Variants in NUDT1 observed in about 807,000 individuals in gnomAD.
NUDT1 encodes the protein oxidized purine nucleoside triphosphate hydrolase.
Under a neutral mutation model 11.3 loss-of-function variants are expected in NUDT1, and 16 were observed. That is an observed-to-expected ratio of 1.41 (90% confidence interval 0.96 to 2.15). The LOEUF (loss-of-function observed/expected upper bound fraction) is 2.15. NUDT1 is among the 30% of genes most tolerant of loss of function. NUDT1 has a pLI of 0.00. For missense variants in NUDT1, 234 were observed against 208.4 expected (o/e 1.12, Z -0.76); for synonymous variants, 101 against 84.4 (o/e 1.20, Z -1.08).
At position 2,249,856 on chromosome 7, in the gene NUDT1, G is replaced by C. The variant is rs1794908884; in HGVS notation, c.153-1G>C. 7 of 1,613,256 alleles carry C rather than the reference G, an allele frequency of 4.3e-6. No individual in the cohort carries two copies. The highest frequency in any genetic ancestry group is 5.9e-6 in the Non-Finnish European group (7 of 1,180,026). On this transcript the variant is annotated splice_acceptor_variant, in intron 2 of 3. Transcript: ENST00000356714. LOFTEE classifies it high-confidence loss of function. ...CCTCCCCTGCCCACCTCTGCCCGCA[G>C]GGAGCTGCAGGAGGAGAGCGGTCTG...
intron 2 of NUDT1, among the ~76,000 whole-genome samples, chr7:2,247,057 G>A (rs1026582006): frequency 2.6e-5 from 4 of 152,150 alleles, no homozygotes; most frequent in African/African-American, 9.7e-5. Flanking sequence ...AAACAGCCTC[G>A]CCCTCAGGGG....
chr7:2,248,547 CTTTT>C (rs11393832), intron 2 of NUDT1, among the ~76,000 whole-genome samples: 6 of 122,598 alleles, frequency 4.9e-5, no homozygotes, highest in Admixed American at 8.3e-5. Flanking sequence ...ATGATGTTTG[CTTTT>C]TTTTTTTTTT....
rs746490760 is a variant in NUDT1 at position 2,250,994 on chromosome 7, C to T, written c.464C>T (p.Thr155Met). The change falls in exon 4 of 4, where the codon ACG becomes ATG. Residue 155 changes from threonine (T) to methionine (M), a missense_variant. Physicochemically the swap from Thr to Met is moderately conservative, Grantham distance 81 (BLOSUM62 -1). Coordinates refer to ENST00000356714, the MANE Select transcript of NUDT1 (RefSeq NM_002452.4). Reference sequence around the variant, plus strand: ...GACTACACACTCCGCGAGGTGGACACGGTCTAGCGGGAGCCCAGGGCAGCC... The same window carrying T: ...GACTACACACTCCGCGAGGTGGACATGGTCTAGCGGGAGCCCAGGGCAGCC... ...ILDYTLREVD[T>M]V The T allele has an allele frequency of 7.4e-6, 12 of 1,613,694 alleles. 1 individual carries two copies. Among genetic ancestry groups the T allele is most frequent in the African/African-American group, 2.7e-5 (2 of 74,908 alleles).
rs750814893 is a variant in NUDT1, at chr7:2,249,945, A to G, written c.241A>G (p.Met81Val). 1.9e-6 allele frequency: 3 copies of G among 1,614,202 alleles called. No homozygotes were observed. Among genetic ancestry groups the G allele is most frequent in the African/African-American group, 1.3e-5 (1 of 75,070 alleles). ...TGAGTTCGTGGGCGAGCCTGAGCTC[A>G]TGGACGTGCATGTCTTCTGCACAGA... ...VFEFVGEPEL[M>V]DVHVFCTDSI... Residue 81 changes from methionine (M) to valine (V), a missense_variant, in exon 3 of 4, where the codon ATG (methionine) becomes GTG (valine). Met to Val is a conservative substitution (Grantham distance 21). Transcript: ENST00000356714.
intron 1 of NUDT1, among the ~76,000 whole-genome samples, chr7:2,243,887 A>G (rs1226703819): frequency 6.7e-6 from 1 of 149,912 alleles, no homozygotes; most frequent in Non-Finnish European, 1.5e-5. Flanking sequence ...GGACCTGCAC[A>G]CCTATGGGAG....
At chr7:2,242,398 C>T (rs1794581948) in intron 1 of NUDT1, 142 bp downstream of exon 1, 1 of 504,582 alleles carries the variant, frequency 2.0e-6, no homozygotes, top group Non-Finnish European at 3.5e-6. Flanking sequence ...ACCAGAAGAG[C>T]AGGGTCGGGG....
intron 2 of NUDT1, among the ~76,000 whole-genome samples, chr7:2,247,502 A>C (rs556743920): frequency 4.6e-5 from 7 of 152,216 alleles, no homozygotes; most frequent in African/African-American, 1.2e-4. Context: ...GTCCCCAAAG[A>C]CTAGCGAGGC....
chr7:2,247,513 C>T (rs958332132), intron 2 of NUDT1, among the ~76,000 whole-genome samples: 1 of 152,140 alleles, frequency 6.6e-6, no homozygotes, highest in African/African-American at 2.4e-5. Flanking sequence ...CTAGCGAGGC[C>T]GGGGACACAG....
rs1794695134 is a variant in NUDT1 at position 2,244,632 on chromosome 7, C to T, written c.58C>T (p.Leu20=). 1 of 1,613,744 alleles carries T rather than the reference C, an allele frequency of 6.2e-7. No homozygotes were observed. Among genetic ancestry groups the T allele is most frequent in the Non-Finnish European group, 8.5e-7 (1 of 1,179,892 alleles). Residue 20 remains leucine (L), a synonymous_variant, in exon 2 of 4, where the codon CTG becomes TTG. Transcript: ENST00000356714. ...GGTCCTGCAGCCTCAGCGAGTTCTCCTGGGCATGAAAAAGCGAGGCTTCGG... is the reference window on the plus strand; with the variant it reads ...GGTCCTGCAGCCTCAGCGAGTTCTCTTGGGCATGAAAAAGCGAGGCTTCGG... ...VLVLQPQRVL[L]GMKKRGFGAG... is the part of the protein sequence containing the mutation.
chr7:2,247,324 T>A (rs991256346), intron 2 of NUDT1, among the ~76,000 whole-genome samples: 1 of 152,240 alleles, frequency 6.6e-6, no homozygotes, highest in Non-Finnish European at 1.5e-5. Flanking sequence ...CCTCCCCGCT[T>A]GCCTGCAGGG....
At chr7:2,244,786 T>C (rs983606869) in intron 2 of NUDT1, 60 bp downstream of exon 2, 3 of 1,560,366 alleles carry the variant, frequency 1.9e-6, no homozygotes, top group Non-Finnish European at 2.6e-6. Flanking sequence ...GGATTCGGGC[T>C]GTAGGGCCAC....
At chr7:2,245,228 C>T (rs534518863) in intron 2 of NUDT1, among the ~76,000 whole-genome samples, 6 of 152,172 alleles carry the variant, frequency 3.9e-5, no homozygotes, top group East Asian at 1.9e-4. Context: ...GAGGTTGAGC[C>T]GTTTACCCAA....
chr7:2,244,527 G>A lies in NUDT1; in HGVS notation c.-12-36G>A, dbSNP rs199636210. ...CCTGGCACGTGCTTCCTCCACGCACGTCATGGCTGACTCTGCCCTCTCACC... is the reference window on the plus strand; with the variant it reads ...CCTGGCACGTGCTTCCTCCACGCACATCATGGCTGACTCTGCCCTCTCACC... On this transcript the variant is annotated intron_variant, in intron 1 of 3. Transcript: ENST00000356714. 2.8e-4 allele frequency: 383 copies of A among 1,356,814 alleles called. 4 individuals carry two copies. The South Asian group carries it at 4.6e-3, about 16-fold the overall frequency. 84.0% of individuals were successfully genotyped at this position (1,356,814 alleles called of 1,614,324 possible). A position where few individuals can be genotyped will look rare whatever the true frequency, so the allele number is the denominator to read the frequency against.
chr7:2,250,664 T>C (rs1794972002), intron 3 of NUDT1, among the ~76,000 whole-genome samples, 165 bp from the exon 4 acceptor site: 1 of 123,886 alleles, frequency 8.1e-6, no homozygotes, highest in African/African-American at 2.8e-5. Flanking sequence ...TTCACCGTGT[T>C]AGCCAGGATG....
intron 2 of NUDT1, 56 bp downstream of exon 2, chr7:2,244,782 G>C (rs987470918): frequency 1.9e-6 from 3 of 1,561,516 alleles, no homozygotes; most frequent in Non-Finnish European, 2.6e-6. Context: ...ACAGGGATTC[G>C]GGCTGTAGGG....
rs111488812 is a variant in NUDT1 at position 2,246,747 on chromosome 7, G to A, written c.152+2021G>A. Among the ~76,000 whole-genome samples, 224 of 152,300 alleles carry A rather than the reference G, an allele frequency of 1.5e-3. 5 individuals are homozygous for A. The highest frequency in any genetic ancestry group is 5.3e-3 in the African/African-American group (219 of 41,558). Reference sequence around the variant, plus strand: ...CTGTCAGACCAGGGTTTGAGGGGGGGAACTGAGGCACAGAGCCGGAAGCCT... The same window carrying A: ...CTGTCAGACCAGGGTTTGAGGGGGGAAACTGAGGCACAGAGCCGGAAGCCT... On this transcript the variant is annotated intron_variant, in intron 2 of 3. Coordinates refer to ENST00000356714, the MANE Select transcript of NUDT1 (RefSeq NM_002452.4).
At chr7:2,245,073 TG>T (rs1363541775) in intron 2 of NUDT1, among the ~76,000 whole-genome samples, 1 of 152,174 alleles carries the variant, frequency 6.6e-6, no homozygotes, top group Non-Finnish European at 1.5e-5. Flanking sequence ...GCACCCTCAC[TG>T]TTGCCGAAGG....
chr7:2,250,604 C>T (rs927635258), intron 3 of NUDT1, among the ~76,000 whole-genome samples: 3 of 151,390 alleles, frequency 2.0e-5, no homozygotes, highest in Non-Finnish European at 3.0e-5. Context: ...ACTACAGGCG[C>T]CCGCCACCAC....
intron 2 of NUDT1, among the ~76,000 whole-genome samples, chr7:2,248,611 G>A (rs552586629): frequency 1.7e-4 from 26 of 149,136 alleles, no homozygotes; most frequent in Non-Finnish European, 3.3e-4. Flanking sequence ...GAGTGCAGTG[G>A]AGTAATCCCA....
Sources: allele counts gnomAD v4.1 joint callset (sites outside exome capture counted in the v4.1 genomes callset), GRCh38; gene constraint gnomAD v4.1.1; transcripts MANE v1.5; gene names NCBI Gene and HGNC (gene_info 2026-07-23, HGNC 2026-07-21).